The following GPC3 variants were observed in gnomAD, a reference collection of about 807,000 sequenced individuals.
GPC3 encodes the protein glypican-3.
Under a neutral mutation model 34.4 loss-of-function variants are expected in GPC3, and 3 were observed. The ratio of observed to expected loss-of-function variants is 0.09; its 90% confidence interval spans 0.04 to 0.23. The LOEUF (loss-of-function observed/expected upper bound fraction) is 0.23, where lower values mean the gene tolerates loss of function less well. GPC3 is among the 10% of genes least tolerant of loss of function. The probability of loss-of-function intolerance (pLI) is 1.00; values close to 1 mark genes in which losing one functional copy is unlikely to be tolerated. For missense variants in GPC3, 351 were observed against 445.6 expected (o/e 0.79, Z 1.91); for synonymous variants, 177 against 174.0 (o/e 1.02, Z -0.13).
chrX:133,940,562 T>C (rs1432977174), intron 2 of GPC3, among the ~76,000 whole-genome samples: 3 of 111,719 alleles, frequency 2.7e-5, no homozygotes, highest in Non-Finnish European at 5.6e-5. Flanking sequence ...TTAGTAAGAT[T>C]AGTTAACTTT....
chrX:133,720,868 T>C (rs1045754413), intron 3 of GPC3, among the ~76,000 whole-genome samples: 1 of 108,702 alleles, frequency 9.2e-6, no homozygotes, highest in Admixed American at 1.0e-4. Flanking sequence ...AATGATATAA[T>C]GGACTTTGGG....
At chrX:133,985,198 G>C in intron 1 of GPC3, 77 bp downstream of exon 1, 1 of 1,086,093 alleles carries the variant, frequency 9.2e-7, no homozygotes, top group Non-Finnish European at 1.3e-6. Flanking sequence ...GGCGGGGCTA[G>C]CGCGCTCAGG....
intron 3 of GPC3, among the ~76,000 whole-genome samples, chrX:133,736,452 T>C (rs763957351): frequency 1.5e-3 from 172 of 112,082 alleles, no homozygotes; most frequent in African/African-American, 5.3e-3. Flanking sequence ...CTATTCATAA[T>C]AACCAAGAAG....
chrX:133,688,521 T>A (rs980773584), intron 5 of GPC3, among the ~76,000 whole-genome samples: 4 of 112,015 alleles, frequency 3.6e-5, no homozygotes, highest in Non-Finnish European at 7.5e-5. Flanking sequence ...AGTTGAGTGA[T>A]CGATACATCC....
At chrX:133,980,509 T>C (rs1002233263) in intron 1 of GPC3, among the ~76,000 whole-genome samples, 1 of 111,784 alleles carries the variant, frequency 8.9e-6, no homozygotes, top group African/African-American at 3.2e-5. Flanking sequence ...AGGCTTATAA[T>C]CTAAAACATA....
At chrX:133,747,174 C>A (rs762765990) in intron 3 of GPC3, among the ~76,000 whole-genome samples, 1 of 111,922 alleles carries the variant, frequency 8.9e-6, no homozygotes, top group South Asian at 3.8e-4. Context: ...TGTTCTTCTA[C>A]TGTCCGGAAT....
At chrX:133,942,295 T>C (rs1244452370) in intron 2 of GPC3, among the ~76,000 whole-genome samples, 2 of 112,181 alleles carry the variant, frequency 1.8e-5, no homozygotes, top group Non-Finnish European at 3.8e-5. Context: ...GAATTTATCC[T>C]GAGGAAATCA....
intron 2 of GPC3, among the ~76,000 whole-genome samples, chrX:133,869,894 G>T (rs778973856): frequency 5.6e-4 from 63 of 112,467 alleles, no homozygotes; most frequent in Non-Finnish European, 8.3e-4. Context: ...GGCAGAGCTT[G>T]CAGTGAGCCG....
At chrX:133,635,038 G>A (rs767027993) in intron 6 of GPC3, among the ~76,000 whole-genome samples, 26 of 110,702 alleles carry the variant, frequency 2.3e-4, no homozygotes, top group Non-Finnish European at 4.3e-4. Flanking sequence ...TAATCATGCC[G>A]TCGGCCAGGA....
At chrX:133,624,815 G>T (rs2070280576) in intron 6 of GPC3, among the ~76,000 whole-genome samples, 1 of 110,461 alleles carries the variant, frequency 9.1e-6, no homozygotes, top group South Asian at 3.9e-4. Flanking sequence ...ATTTTATGAG[G>T]CCAGTAGTCT....
chrX:133,666,139 G>C (rs2070765593), intron 5 of GPC3, among the ~76,000 whole-genome samples: 1 of 111,336 alleles, frequency 9.0e-6, no homozygotes, highest in Non-Finnish European at 1.9e-5. Flanking sequence ...GATCCTTTGT[G>C]GTCCTACTGT....
At chrX:133,651,486 C>T (rs994679910) in intron 6 of GPC3, among the ~76,000 whole-genome samples, 1 of 111,763 alleles carries the variant, frequency 8.9e-6, no homozygotes, top group African/African-American at 3.3e-5. Flanking sequence ...TGGATTTCCC[C>T]TATCATGCTT....
intron 1 of GPC3, among the ~76,000 whole-genome samples, chrX:133,959,401 T>C (rs1602563090): frequency 1.8e-5 from 2 of 112,453 alleles, no homozygotes; most frequent in East Asian, 2.8e-4. Flanking sequence ...CAACAGTGTG[T>C]ATAGGGCTGT....
At chrX:133,949,842 T>C (rs918442130) in intron 2 of GPC3, among the ~76,000 whole-genome samples, 2 of 112,321 alleles carry the variant, frequency 1.8e-5, no homozygotes, top group Admixed American at 1.9e-4. Context: ...AATTTTGTTT[T>C]ACCTCAAGGA....
intron 6 of GPC3, among the ~76,000 whole-genome samples, chrX:133,641,677 G>C (rs761058894): frequency 9.0e-6 from 1 of 111,579 alleles, no homozygotes; most frequent in African/African-American, 3.2e-5. Flanking sequence ...TAAACAGCTT[G>C]TCCCACGCCT....
chrX:133,551,455 C>G (rs1362631384), intron 7 of GPC3, among the ~76,000 whole-genome samples: 1 of 111,305 alleles, frequency 9.0e-6, no homozygotes, highest in Non-Finnish European at 1.9e-5. Context: ...TTCCATTTCT[C>G]TATTCACTTC....
chrX:133,983,365 C>G (rs1192516533), intron 1 of GPC3, among the ~76,000 whole-genome samples: 1 of 112,229 alleles, frequency 8.9e-6, no homozygotes, highest in African/African-American at 3.2e-5. Flanking sequence ...TATGGCCATC[C>G]CTAGGCCTCA....
chrX:133,676,215 C>T (rs1045540546), intron 5 of GPC3, among the ~76,000 whole-genome samples: 16 of 112,324 alleles, frequency 1.4e-4, no homozygotes, highest in African/African-American at 5.2e-4. Flanking sequence ...ACTGGCTGGT[C>T]TTGTCTGCAG....
chrX:133,619,249 T>C (rs992726899), intron 6 of GPC3, among the ~76,000 whole-genome samples: 16 of 112,122 alleles, frequency 1.4e-4, no homozygotes, highest in African/African-American at 4.9e-4. Flanking sequence ...TGTAAAATGG[T>C]GGATTCATTG....
Sources: gnomAD v4.1 joint callset for allele counts (sites outside exome capture counted in the v4.1 genomes callset) on GRCh38, gnomAD v4.1.1 for gene constraint, MANE v1.5 for transcripts, NCBI Gene and HGNC (gene_info 2026-07-23, HGNC 2026-07-21) for gene names.